Variants in JDP2 observed in about 807,000 individuals in gnomAD.
JDP2 encodes progesterone receptor co-activator.
A neutral mutation model predicts 17.1 loss-of-function variants in JDP2; 9 were observed. That is an observed-to-expected ratio of 0.53 (90% confidence interval 0.32 to 0.92). JDP2 has a LOEUF of 0.92. JDP2 is among the 40% of genes least tolerant of loss of function. The probability of loss-of-function intolerance (pLI) is 0.04; values close to 1 mark genes in which losing one functional copy is unlikely to be tolerated. For missense variants in JDP2, 179 were observed against 220.0 expected, an observed-to-expected ratio of 0.81 and a Z score of 1.18; for synonymous variants, 107 against 95.6, an observed-to-expected ratio of 1.12 and a Z score of -0.69.
intron 2 of JDP2, among the ~76,000 whole-genome samples, chr14:75,439,368 C>A (rs527449633): frequency 6.6e-6 from 1 of 152,332 alleles, no homozygotes; most frequent in African/African-American, 2.4e-5. Flanking sequence ...AACGCGAACC[C>A]CCATTTCATT....
At chr14:75,455,212 A>G (rs1370000625) in intron 2 of JDP2, among the ~76,000 whole-genome samples, 1 of 152,124 alleles carries the variant, frequency 6.6e-6, no homozygotes, top group Non-Finnish European at 1.5e-5. Context: ...TGCATTTCTA[A>G]CAAGAGCTTG....
chr14:75,457,258 A>G (rs1886153943), intron 2 of JDP2, among the ~76,000 whole-genome samples: 1 of 152,230 alleles, frequency 6.6e-6, no homozygotes, highest in Admixed American at 6.5e-5. Context: ...TCTCCCACAC[A>G]TGGGCAAATG....
At chr14:75,445,259 G>A (rs1885543480) in intron 2 of JDP2, 1 of 985,498 alleles carries the variant, frequency 1.0e-6, no homozygotes, top group Non-Finnish European at 1.2e-6. Flanking sequence ...AGGAACTCAT[G>A]GATGGATTCA....
intron 1 of JDP2, among the ~76,000 whole-genome samples, chr14:75,431,182 G>T (rs575467938): frequency 6.6e-6 from 1 of 152,210 alleles, no homozygotes; most frequent in African/African-American, 2.4e-5. Context: ...ATGGTTGTAC[G>T]CTCCCAGCTT....
chr14:75,439,981 C>T (rs1477392072), intron 2 of JDP2, among the ~76,000 whole-genome samples: 1 of 152,210 alleles, frequency 6.6e-6, no homozygotes, highest in Non-Finnish European at 1.5e-5. Context: ...GCTGAGTTAA[C>T]ACCTCTCTCC....
intron 2 of JDP2, among the ~76,000 whole-genome samples, chr14:75,447,254 A>T (rs1359436040): frequency 1.3e-5 from 2 of 152,214 alleles, no homozygotes; most frequent in African/African-American, 4.8e-5. Flanking sequence ...AGGAGCGAGG[A>T]CATCTGTGTT....
intron 2 of JDP2, among the ~76,000 whole-genome samples, chr14:75,459,359 C>G (rs1214877731): frequency 6.6e-6 from 1 of 152,218 alleles, no homozygotes; most frequent in Non-Finnish European, 1.5e-5. Flanking sequence ...ACTTCTGGTT[C>G]AGTTTCAAAG....
chr14:75,441,751 T>G (rs888717326), intron 2 of JDP2, among the ~76,000 whole-genome samples: 5 of 152,242 alleles, frequency 3.3e-5, no homozygotes, highest in African/African-American at 1.2e-4. Flanking sequence ...AGGACAGCTT[T>G]GCTCTCTGGC....
At chr14:75,432,368 C>T in intron 1 of JDP2, 1 of 1,548,876 alleles carries the variant, frequency 6.5e-7, no homozygotes, top group Non-Finnish European at 8.7e-7. Flanking sequence ...GGCCTGGCAC[C>T]TTTCTGACCT....
intron 2 of JDP2, chr14:75,444,983 G>A (rs1440275725): frequency 2.5e-6 from 1 of 403,088 alleles, no homozygotes; most frequent in East Asian, 1.6e-4. Context: ...GTTTCCTGTG[G>A]TGTTAATGTC....
At chr14:75,450,896 G>A (rs1177382345) in intron 2 of JDP2, among the ~76,000 whole-genome samples, 1 of 152,182 alleles carries the variant, frequency 6.6e-6, no homozygotes, top group Non-Finnish European at 1.5e-5. Flanking sequence ...CAGAGCAGAG[G>A]GACACCTCCT....
chr14:75,452,252 A>T (rs1410635301), intron 2 of JDP2, among the ~76,000 whole-genome samples: 1 of 152,204 alleles, frequency 6.6e-6, no homozygotes, highest in Admixed American at 6.5e-5. Context: ...GATGGAATGG[A>T]GTCAATCCCT....
intron 2 of JDP2, among the ~76,000 whole-genome samples, chr14:75,451,290 C>G (rs1226540927): frequency 6.7e-6 from 1 of 148,918 alleles, no homozygotes; most frequent in Non-Finnish European, 1.5e-5. Flanking sequence ...CAAGGAGAGA[C>G]AGTGGGCCTG....
At chr14:75,454,971 G>A (rs1886036216) in intron 2 of JDP2, among the ~76,000 whole-genome samples, 1 of 152,136 alleles carries the variant, frequency 6.6e-6, no homozygotes, top group Non-Finnish European at 1.5e-5. Context: ...AGCCACTGCA[G>A]CCGTCCAGTG....
chr14:75,436,960 A>G (rs1427686512), intron 1 of JDP2, among the ~76,000 whole-genome samples: 1 of 152,168 alleles, frequency 6.6e-6, no homozygotes, highest in African/African-American at 2.4e-5. Context: ...TTGGGAGGCC[A>G]AGGTGGGCAG....
In JDP2 at chr14:75,428,070, G is replaced by A. The variant is rs929693697; in HGVS notation, c.-206G>A. ...GGGACGCTCGGCGGCCGCGACGGGG[G>A]GCGCTGGCGGCGGCGGACGCTGCAG... is the stretch of plus-strand genomic sequence containing the variant. On this transcript the variant is annotated 5_prime_UTR_variant, in exon 1 of 4. Coordinates refer to ENST00000651602, the MANE Select transcript of JDP2 (RefSeq NM_001135048.2). The surrounding 1 kb of genome is among the most constrained non-coding windows in gnomAD (Gnocchi z 5.6). 4 of 148,594 alleles carry A rather than the reference G, an allele frequency of 2.7e-5. No homozygotes were observed. The highest frequency in any genetic ancestry group is 6.0e-5 in the Non-Finnish European group (4 of 66,634). The allele number at this position is 148,594 out of a possible 1,614,324, so 9.2% of individuals were successfully genotyped here.
At chr14:75,440,474 A>G (rs1435168213) in intron 2 of JDP2, among the ~76,000 whole-genome samples, 1 of 152,248 alleles carries the variant, frequency 6.6e-6, no homozygotes, top group Non-Finnish European at 1.5e-5. Flanking sequence ...GGATTTTCAT[A>G]TTGGCATTTT....
chr14:75,442,045 T>G (rs1885381392), intron 2 of JDP2, among the ~76,000 whole-genome samples: 1 of 152,064 alleles, frequency 6.6e-6, no homozygotes, highest in Non-Finnish European at 1.5e-5. Flanking sequence ...CACGTCTCGG[T>G]GCTCTAGAGG....
chr14:75,468,167 T>C (rs947650167), intron 3 of JDP2, among the ~76,000 whole-genome samples: 2 of 152,194 alleles, frequency 1.3e-5, no homozygotes, highest in Non-Finnish European at 2.9e-5. Flanking sequence ...CTTTGACTGA[T>C]ACAAGTTGCT....
Sources: allele counts gnomAD v4.1 joint callset (sites outside exome capture counted in the v4.1 genomes callset), GRCh38; gene constraint gnomAD v4.1.1; non-coding constraint Gnocchi (gnomAD v3.1); transcripts MANE v1.5; gene names NCBI Gene and HGNC (gene_info 2026-07-23, HGNC 2026-07-21).